EPN3: variants seen among roughly 807,000 people sequenced by gnomAD.
EPN3 encodes the protein epsin-3.
In EPN3, 56 loss-of-function variants were observed where a neutral mutation model predicts 55.5. The ratio of observed to expected loss-of-function variants is 1.01; its 90% CI spans 0.81 to 1.26. The LOEUF (loss-of-function observed/expected upper bound fraction) is 1.26, where lower values mean the gene tolerates loss of function less well. Among genes scored for constraint, EPN3 ranks in the 50% most tolerant of loss-of-function variants. EPN3 has a pLI of 0.00. For missense variants in EPN3, 927 were observed against 853.4 expected (o/e 1.09, Z -1.07); for synonymous variants, 449 against 375.2 (o/e 1.20, Z -2.27).
In EPN3 at chr17:50,542,156, GA is replaced by G. The variant is rs898459342; in HGVS notation, c.1899del (p.Ter633TrpfsTer31). 1.5e-5 allele frequency: 22 copies of G among 1,496,066 alleles called. No individual in the cohort carries two copies. The African/African-American group carries it at 3.2e-4, about 22-fold the overall frequency. The allele number at this position is 1,496,066 out of a possible 1,614,324, so 92.7% of individuals were successfully genotyped here. On this transcript the variant is annotated frameshift_variant and stop_lost, in exon 10 of 10. Transcript: ENST00000268933. LOFTEE classifies it high-confidence loss of function. ...PPQTGTNPFL* is the reference protein window; with the variant it reads ...PPQTGTNPFLX ...CAGACCGGCACCAACCCCTTCCTCT[GA>G]GCCCCGCCCCGTCCCATACCGGCCT...
At chr17:50,535,266 G>A (rs192794441) in intron 1 of EPN3, among the ~76,000 whole-genome samples, 37 of 152,296 alleles carry the variant, frequency 2.4e-4, no homozygotes, top group Non-Finnish European at 4.3e-4. Context: ...AAAGCAATCC[G>A]ATGAAATAAT....
intron 2 of EPN3, chr17:50,537,861 G>A (rs2034787349): frequency 2.0e-6 from 1 of 504,630 alleles, no homozygotes; most frequent in South Asian, 3.2e-5. Context: ...AGTGCCGCCT[G>A]TGCATCTGCT....
chr17:50,533,839 CCT>C (rs1250337641), intron 1 of EPN3, among the ~76,000 whole-genome samples: 3 of 152,158 alleles, frequency 2.0e-5, no homozygotes, highest in Admixed American at 1.3e-4. Flanking sequence ...CAGGCCCTGC[CCT>C]CTCTGTGCCC....
chr17:50,541,857 G>C lies in EPN3; in HGVS notation c.1599G>C (p.Pro533=), dbSNP rs749509085. ...RNPFLTGLSA[P]SPTNPFGAGE... ...CTCGTTCTGCAGGTCTCAGCGCTCCGTCCCCCACCAACCCGTTCGGCGCGG... is the reference window on the plus strand; with the variant it reads ...CTCGTTCTGCAGGTCTCAGCGCTCCCTCCCCCACCAACCCGTTCGGCGCGG... The change falls in exon 10 of 10, where the codon CCG becomes CCC. Residue 533 remains proline (P), a synonymous_variant. Coordinates refer to ENST00000268933, the MANE Select transcript of EPN3 (RefSeq NM_017957.3). 1 of 1,609,806 alleles carries C rather than the reference G, an allele frequency of 6.2e-7. No homozygotes were observed. The highest frequency in any genetic ancestry group is 2.2e-5 in the East Asian group (1 of 44,856).
At position 50,532,955 on chromosome 17, in the gene EPN3, G is replaced by T; in HGVS notation, c.-167G>T. The T allele has an allele frequency of 7.8e-7, 1 of 1,285,614 alleles. No individual in the cohort carries two copies. The highest frequency in any genetic ancestry group is 5.6e-5 in the East Asian group (1 of 17,718). The allele number at this position is 1,285,614 out of a possible 1,614,324, so 79.6% of individuals were successfully genotyped here. ...GGTCACCGCAGAGGCTACTCGGGCTGGGGCTGGGGCCGAGGGAGCCCGCAC... is the reference window on the plus strand; with the variant it reads ...GGTCACCGCAGAGGCTACTCGGGCTTGGGCTGGGGCCGAGGGAGCCCGCAC... On this transcript the variant is annotated 5_prime_UTR_variant, in exon 1 of 10. Transcript: ENST00000268933.
intron 2 of EPN3, chr17:50,537,586 G>C (rs895405514): frequency 5.1e-6 from 1 of 197,328 alleles, no homozygotes; most frequent in African/African-American, 2.3e-5. Context: ...CCCTACCTGA[G>C]GGCAGCGGCT....
rs374799071 is a variant in EPN3 at position 50,536,927 on chromosome 17, G to A, written c.371G>A (p.Arg124His). Reference sequence around the variant, plus strand: ...GGCAAGGACCAGGGCGTCAACGTGCGCGAGAAGGTCAAGCAGGTGATGGCC... The same window carrying A: ...GGCAAGGACCAGGGCGTCAACGTGCACGAGAAGGTCAAGCAGGTGATGGCC... ...RDGKDQGVNV[R>H]EKVKQVMALL... Residue 124 changes from arginine to histidine, a missense_variant, in exon 2 of 10, where the codon CGC (arginine) becomes CAC (histidine). Transcript: ENST00000268933. The A allele has an allele frequency of 6.8e-6, 11 of 1,614,022 alleles. No homozygotes were observed. Among genetic ancestry groups the A allele is most frequent in the African/African-American group, 4.0e-5 (3 of 74,952 alleles).
intron 1 of EPN3, among the ~76,000 whole-genome samples, chr17:50,533,527 C>T (rs1328331768): frequency 6.6e-6 from 1 of 152,180 alleles, no homozygotes; most frequent in South Asian, 2.1e-4. Flanking sequence ...GGTGCACAGA[C>T]TTTACGCAAA....
Position 50,539,307 on chromosome 17 carries a change from A to C in EPN3, c.883A>C (p.Thr295Pro), listed in dbSNP as rs758905379. Reference sequence around the variant, plus strand: ...GAGAAAGGAGGAGGAGAAGCTAAAAACCAGCCAGGTAGGGAGTGGGCTGCG... The same window carrying C: ...GAGAAAGGAGGAGGAGAAGCTAAAACCCAGCCAGGTAGGGAGTGGGCTGCG... ...EERKEEEKLK[T>P]SQSSILDLAD... The change falls in exon 5 of 10, where the codon ACC (threonine) becomes CCC (proline). Residue 295 changes from threonine (T) to proline (P), a missense_variant. Thr to Pro is a conservative substitution (Grantham distance 38). Coordinates refer to ENST00000268933, the MANE Select transcript of EPN3 (RefSeq NM_017957.3). 1.9e-6 allele frequency: 3 copies of C among 1,614,058 alleles called. No individual in the cohort carries two copies. The highest frequency in any genetic ancestry group is 2.5e-6 in the Non-Finnish European group (3 of 1,179,994).
intron 2 of EPN3, chr17:50,537,330 C>A (rs2034779934): frequency 5.1e-6 from 3 of 593,350 alleles, no homozygotes; most frequent in African/African-American, 1.9e-5. Flanking sequence ...GATTCATTAT[C>A]ATTCGTTAGC....
chr17:50,536,552 C>T lies in EPN3; in HGVS notation c.-5C>T. ...CGAGGGCCACCCACCTCCAAGTCTC[C>T]AGCCATGACGACCTCCGCACTCCGG... On this transcript the variant is annotated 5_prime_UTR_variant, in exon 2 of 10. Transcript: ENST00000268933. 6.2e-7 allele frequency: 1 copy of T among 1,613,706 alleles called. No homozygotes were observed. The highest frequency in any genetic ancestry group is 8.5e-7 in the Non-Finnish European group (1 of 1,180,012).
intron 3 of EPN3, 107 bp downstream of exon 3, chr17:50,538,304 C>G (rs2034794572): frequency 1.2e-6 from 1 of 846,964 alleles, no homozygotes; most frequent in African/African-American, 1.7e-5. Context: ...AAGCCCCAGT[C>G]CTGTGCCCAA....
rs2034803468 is a variant in EPN3 at position 50,538,868 on chromosome 17, CT to C, written c.682-15del. 1.3e-6 allele frequency: 2 copies of C among 1,572,480 alleles called. No individual in the cohort carries two copies. Among genetic ancestry groups the C allele is most frequent in the East Asian group, 2.3e-5 (1 of 44,294 alleles). ...TGGGGGTACAGGGCCAAGTTTACCCCTCTCTTCCTCCGCAGCCTGTCCCCCC... is the reference window on the plus strand; with the variant it reads ...TGGGGGTACAGGGCCAAGTTTACCCCCTCTTCCTCCGCAGCCTGTCCCCCC... On this transcript the variant is annotated splice_polypyrimidine_tract_variant and intron_variant, in intron 3 of 9. Transcript: ENST00000268933.
In EPN3 at chr17:50,538,992, G is replaced by A. The variant is rs1008142571; in HGVS notation, c.762+28G>A. ...AGTGGGCCGAGCCCGCTGGGCTGCCGGTGCTGCTGCTGCTGCTGGTGGAGG... is the reference window on the plus strand; with the variant it reads ...AGTGGGCCGAGCCCGCTGGGCTGCCAGTGCTGCTGCTGCTGCTGGTGGAGG... On this transcript the variant is annotated intron_variant, in intron 4 of 9. Transcript: ENST00000268933. The A allele has an allele frequency of 4.4e-6, 7 of 1,574,714 alleles. No homozygotes were observed. The African/African-American group carries it at 5.4e-5, about 12-fold the overall frequency.
chr17:50,533,861 C>T (rs958526492), intron 1 of EPN3, among the ~76,000 whole-genome samples: 3 of 152,186 alleles, frequency 2.0e-5, no homozygotes, highest in African/African-American at 7.2e-5. Context: ...CTTCCCTCCA[C>T]CTGACAGGGT....
At position 50,539,330 on chromosome 17, in the gene EPN3, G is replaced by A. The variant is rs767394143; in HGVS notation, c.891+15G>A. ...AAACCAGCCAGGTAGGGAGTGGGCT[G>A]CGGTGCTTGGGATGGACAGGGCCTA... On this transcript the variant is annotated intron_variant, in intron 5 of 9. Coordinates refer to ENST00000268933, the MANE Select transcript of EPN3 (RefSeq NM_017957.3). The A allele has an allele frequency of 5.6e-6, 9 of 1,613,728 alleles. No homozygotes were observed. The highest frequency in any genetic ancestry group is 6.8e-6 in the Non-Finnish European group (8 of 1,179,906).
chr17:50,539,026 G>A, intron 4 of EPN3, 62 bp downstream of exon 4: 1 of 1,544,688 alleles, frequency 6.5e-7, no homozygotes, highest in Non-Finnish European at 8.8e-7. Flanking sequence ...GGTGCTTCAG[G>A]GCACTAACAG....
chr17:50,538,744 C>T, intron 3 of EPN3, 140 bp from the exon 4 acceptor site: 1 of 579,772 alleles, frequency 1.7e-6, no homozygotes, highest in East Asian at 3.0e-5. Context: ...GCCCACCCTG[C>T]TGACTGAGCG....
In EPN3 at chr17:50,539,780, T is replaced by C. The variant is rs559200190; in HGVS notation, c.891+465T>C. On this transcript the variant is annotated intron_variant, in intron 5 of 9. Coordinates refer to ENST00000268933, the MANE Select transcript of EPN3 (RefSeq NM_017957.3). ...GCAGCTGCTGAGTGCAAGGCTGCCC[T>C]CCAAAGCTGTCCATGCCACGCCCGG... Among the ~76,000 whole-genome samples the C allele has an allele frequency of 2.0e-5, 3 of 152,364 alleles. No homozygotes were observed. The East Asian group carries it at 5.8e-4, about 29-fold the overall frequency.
Sources: gnomAD v4.1 joint callset for allele counts (sites outside exome capture counted in the v4.1 genomes callset) on GRCh38, gnomAD v4.1.1 for gene constraint, MANE v1.5 for transcripts, NCBI Gene and HGNC (gene_info 2026-07-23, HGNC 2026-07-21) for gene names.